The following IQGAP3 variants were observed in gnomAD, a reference collection of about 807,000 sequenced individuals.
The protein encoded by IQGAP3 is ras GTPase-activating-like protein IQGAP3.
IQGAP3 carries 165 observed loss-of-function variants against 208.2 expected under a neutral mutation model. The observed-to-expected ratio is 0.79, with a 90% CI of 0.70 to 0.90. IQGAP3 has a LOEUF of 0.90. IQGAP3 is among the 40% of genes least tolerant of loss of function. The pLI is 0.00. For missense variants in IQGAP3, 1,811 were observed against 2,043.1 expected (o/e 0.89, Z 2.19); for synonymous variants, 703 against 803.6 (o/e 0.87, Z 2.12).
intron 9 of IQGAP3, 76 bp downstream of exon 9, chr1:156,562,511 A>G: frequency 8.4e-7 from 1 of 1,183,950 alleles, no homozygotes; most frequent in Non-Finnish European, 1.3e-6. Context: ...GCTTGAGAAA[A>G]GCTATCCCCA....
At chr1:156,562,758 G>T in intron 8 of IQGAP3, 93 bp from the exon 9 acceptor site, 1 of 1,166,258 alleles carries the variant, frequency 8.6e-7, no homozygotes. Flanking sequence ...TTCTTCTTCT[G>T]GGGACCTTCC....
chr1:156,529,652 G>A (rs1674283441), intron 34 of IQGAP3, among the ~76,000 whole-genome samples: 1 of 152,026 alleles, frequency 6.6e-6, no homozygotes, highest in Non-Finnish European at 1.5e-5. Context: ...TGGGTGCAGT[G>A]GCTCACACCT....
At chr1:156,528,370 C>G (rs1287661181) in intron 36 of IQGAP3, 139 bp downstream of exon 36, 6 of 665,036 alleles carry the variant, frequency 9.0e-6, no homozygotes, top group Non-Finnish European at 1.6e-5. Flanking sequence ...TGGGCATGCT[C>G]TGTCTCCACC....
At chr1:156,550,213 C>T in intron 16 of IQGAP3, 48 bp downstream of exon 16, 1 of 1,333,444 alleles carries the variant, frequency 7.5e-7, no homozygotes, top group African/African-American at 1.4e-5. Flanking sequence ...CTGCTGAGCC[C>T]ACATCACCAT....
chr1:156,566,136 CACAG>C, intron 3 of IQGAP3, 32 bp from the exon 4 acceptor site: 2 of 1,584,548 alleles, frequency 1.3e-6, no homozygotes, highest in Non-Finnish European at 1.7e-6. Flanking sequence ...AATCTATTTC[CACAG>C]TTCTCAGCAC....
At chr1:156,545,698 T>C (rs1675211444) in intron 19 of IQGAP3, among the ~76,000 whole-genome samples, 1 of 152,082 alleles carries the variant, frequency 6.6e-6, no homozygotes, top group Admixed American at 6.6e-5. Context: ...GGGGTCTTAC[T>C]ATATTGCTCA....
intron 27 of IQGAP3, among the ~76,000 whole-genome samples, chr1:156,535,715 G>A (rs1488220227): frequency 6.6e-6 from 1 of 152,190 alleles, no homozygotes; most frequent in Non-Finnish European, 1.5e-5. Context: ...TCTGTGAGTG[G>A]CCTAGTCTGG....
Position 156,548,123 on chromosome 1 carries a change from C to T in IQGAP3, c.2254G>A (p.Glu752Lys), listed in dbSNP as rs760467624. 1.1e-5 allele frequency: 17 copies of T among 1,613,740 alleles called. No homozygotes were observed. The highest frequency in any genetic ancestry group is 1.7e-5 in the Admixed American group (1 of 59,946). Residue 752 changes from glutamate to lysine, a missense_variant, in exon 19 of 38, where the codon GAG becomes AAG. By Grantham distance (56) the Glu-to-Lys change is moderately conservative. Coordinates refer to ENST00000361170, the MANE Select transcript of IQGAP3 (RefSeq NM_178229.5). Reference sequence around the variant, plus strand: ...CAGGTCCTCAGAAAGTGGGAATGCTCAGCAAACTTCTGCCGAACTAGGAAG... The same window carrying T: ...CAGGTCCTCAGAAAGTGGGAATGCTTAGCAAACTTCTGCCGAACTAGGAAG... ...RGFLVRQKFA[E>K]HSHFLRTWLP...
chr1:156,564,708 C>A lies in IQGAP3; in HGVS notation c.361-17G>T, dbSNP rs750370054. On this transcript the variant is annotated splice_polypyrimidine_tract_variant and intron_variant, in intron 4 of 37. Coordinates refer to ENST00000361170, the MANE Select transcript of IQGAP3 (RefSeq NM_178229.5). ...GAAGAAGGTCTAGAGGAGAAACCAG[C>A]CAGTTACTGCCATTGGGAACCTTTA... 1.3e-6 allele frequency: 2 copies of A among 1,590,820 alleles called. No individual in the cohort carries two copies. The highest frequency in any genetic ancestry group is 2.2e-5 in the South Asian group (2 of 90,552).
Position 156,566,375 on chromosome 1 carries a change from G to A in IQGAP3, c.282+15C>T, listed in dbSNP as rs765291970. On this transcript the variant is annotated intron_variant, in intron 3 of 37. Transcript: ENST00000361170. ...TGAGGGGACGAAGGTAGAAGGTGGG[G>A]TCCAATCCTCCCACCTGGTACCGCA... 14 of 1,612,542 alleles carry A rather than the reference G, an allele frequency of 8.7e-6. No individual in the cohort carries two copies. Among genetic ancestry groups the A allele is most frequent in the Non-Finnish European group, 1.1e-5 (13 of 1,178,780 alleles).
chr1:156,563,449 A>G (rs750719360), intron 7 of IQGAP3, 104 bp downstream of exon 7: 36 of 1,321,896 alleles, frequency 2.7e-5, no homozygotes, highest in Non-Finnish European at 3.6e-5. Flanking sequence ...TGATGGCCCT[A>G]TCTGTGGATG....
At chr1:156,556,394 G>C in intron 12 of IQGAP3, 139 bp downstream of exon 12, 2 of 738,764 alleles carry the variant, frequency 2.7e-6, no homozygotes, top group Non-Finnish European at 4.5e-6. Context: ...CAGTAAGGCA[G>C]GGATGGTAGC....
chr1:156,570,193 A>T (rs1037562008), intron 1 of IQGAP3, among the ~76,000 whole-genome samples: 5 of 152,102 alleles, frequency 3.3e-5, no homozygotes, highest in Admixed American at 6.5e-5. Flanking sequence ...TCATTCATTC[A>T]TCAATACCTC....
chr1:156,548,321 C>G, intron 18 of IQGAP3, 27 bp downstream of exon 18: 1 of 1,611,498 alleles, frequency 6.2e-7, no homozygotes, highest in South Asian at 1.1e-5. Context: ...ATCCAAGATC[C>G]CCTACCCTTG....
Position 156,556,549 on chromosome 1 carries a change from A to G in IQGAP3, c.1274T>C (p.Leu425Pro). The G allele has an allele frequency of 6.2e-7, 1 of 1,614,130 alleles. No homozygotes were observed. The highest frequency in any genetic ancestry group is 8.5e-7 in the Non-Finnish European group (1 of 1,180,012). ...SSMYQLELAVLQQQQGELGQE... is the reference protein window; with the variant it reads ...SSMYQLELAVPQQQQGELGQE... Reference sequence around the variant, plus strand: ...GGGGCTTACCCCCTGCTGCTGCTGGAGCACTGCCAGCTCCAGCTGGTACAT... The same window carrying G: ...GGGGCTTACCCCCTGCTGCTGCTGGGGCACTGCCAGCTCCAGCTGGTACAT... The change falls in exon 12 of 38, where the codon CTC becomes CCC. Residue 425 changes from leucine to proline, a missense_variant. Leu to Pro is a moderately conservative substitution (Grantham distance 98, BLOSUM62 -3). Coordinates refer to ENST00000361170, the MANE Select transcript of IQGAP3 (RefSeq NM_178229.5).
intron 26 of IQGAP3, 26 bp downstream of exon 26, chr1:156,538,783 G>T: frequency 6.3e-7 from 1 of 1,587,012 alleles, no homozygotes; most frequent in South Asian, 1.1e-5. Context: ...ATCAAAGAGA[G>T]CTCCTCCCTC....
rs934049424 is a variant in IQGAP3, at chr1:156,570,710, A to C, written c.38-1247T>G. On this transcript the variant is annotated intron_variant, in intron 1 of 37. Transcript: ENST00000361170. ...TTTTTTGTTGAGACTGGTTCTCACC[A>C]TGTTGCCCAGGCTGGTCTTGGACTC... 2.6e-5 allele frequency among the ~76,000 whole-genome samples: 4 copies of C among 152,088 alleles called. 1 individual carries two copies. The highest frequency in any genetic ancestry group is 5.9e-5 in the Non-Finnish European group (4 of 68,012).
At chr1:156,566,921 C>G (rs1389264995) in intron 2 of IQGAP3, among the ~76,000 whole-genome samples, 1 of 149,394 alleles carries the variant, frequency 6.7e-6, no homozygotes, top group East Asian at 1.9e-4. Context: ...GGCTAGAGTG[C>G]AATGGTGCGA....
At chr1:156,542,381 G>A (rs1017703067) in intron 22 of IQGAP3, among the ~76,000 whole-genome samples, 2 of 152,016 alleles carry the variant, frequency 1.3e-5, no homozygotes, top group African/African-American at 4.8e-5. Context: ...GTAGAGACAG[G>A]GTTTCACCAT....
Sources: gnomAD v4.1 joint callset for allele counts (sites outside exome capture counted in the v4.1 genomes callset) on GRCh38, gnomAD v4.1.1 for gene constraint, MANE v1.5 for transcripts, NCBI Gene and HGNC (gene_info 2026-07-23, HGNC 2026-07-21) for gene names.